The following TTN variants were observed in gnomAD, a reference collection of about 807,000 sequenced individuals.
The protein encoded by TTN is connectin.
In TTN, 1,525 loss-of-function variants were observed where a neutral mutation model predicts 3,223.0. The observed-to-expected ratio is 0.47, with a 90% CI of 0.45 to 0.49. The LOEUF is 0.49. TTN is among the 20% of genes least tolerant of loss of function. The pLI, the probability that TTN is intolerant of heterozygous loss-of-function variation, is 0.00. For missense variants in TTN, 40,786 were observed against 43,424.0 expected, an observed-to-expected ratio of 0.94 and a Z score of 5.40; for synonymous variants, 14,094 against 15,161.0, an observed-to-expected ratio of 0.93 and a Z score of 5.17.
rs778131439 is a variant in TTN at position 178,570,690 on chromosome 2, C to T, written c.75442G>A (p.Gly25148Ser). The change falls in exon 326 of 363, where the codon GGT becomes AGT. Residue 25148 changes from glycine to serine, a missense_variant. Transcript: ENST00000589042. ...KPIPTIQWIK[G>S]DQELSNTARL... ...GCTGTGTTTGAAAGCTCCTGATCAC[C>T]TTTTATCCACTGAATGGTTGGTATT... The T allele has an allele frequency of 5.0e-6, 8 of 1,613,510 alleles. No homozygotes were observed. The highest frequency in any genetic ancestry group is 3.3e-4 in the Middle Eastern group (2 of 6,056).
rs757710470 is a variant in TTN, at chr2:178,732,885, C to T, written c.16291G>A (p.Ala5431Thr). The change falls in exon 55 of 363, where the codon GCC becomes ACC. Residue 5431 changes from alanine to threonine, a missense_variant. By Grantham distance (58) the Ala-to-Thr change is moderately conservative. Transcript: ENST00000589042. ...MNDAGNFTCR[A>T]TNSVGSKDSS... is the part of the protein sequence containing the mutation. ...TCTTTGCTTCCCACGGAATTTGTGG[C>T]TCGACAAGTGAAATTCCCTGCATCA... 5.6e-6 allele frequency: 9 copies of T among 1,613,366 alleles called. No individual in the cohort carries two copies. The South Asian group carries it at 9.9e-5, about 18-fold the overall frequency.
rs727505316 is a variant in TTN at position 178,589,191 on chromosome 2, G to C, written c.62534C>G (p.Thr20845Arg). Residue 20845 changes from threonine (T) to arginine (R), a missense_variant, in exon 304 of 363, where the codon ACG becomes AGG. Physicochemically the swap from Thr to Arg is moderately conservative, Grantham distance 71. Transcript: ENST00000589042. ...AAAACTGCCAGCCGTGTTAGTTGCC[G>C]TAACTACATATTTACCCCCATCACT... ...KRSDGGKYVV[T>R]ATNTAGSFVA... 48 of 1,613,370 alleles carry C rather than the reference G, an allele frequency of 3.0e-5. No homozygotes were observed. Among genetic ancestry groups the C allele is most frequent in the African/African-American group, 4.0e-5 (3 of 74,894 alleles).
chr2:178,730,236 C>T lies in TTN; in HGVS notation c.18164G>A (p.Gly6055Glu), dbSNP rs879034244. The change falls in exon 62 of 363, where the codon GGA (glycine) becomes GAA (glutamate). Residue 6055 changes from glycine to glutamate, a missense_variant. Coordinates refer to ENST00000589042, the MANE Select transcript of TTN (RefSeq NM_001267550.2). ...WFKDNKELHSGAARSVWKDDT... is the reference protein window; with the variant it reads ...WFKDNKELHSEAARSVWKDDT... ...ATCCTTCCAAACTGAGCGGGCTGCT[C>T]CTGAGTGTAACTCTTTGTTATCTTT... 2.5e-6 allele frequency: 4 copies of T among 1,613,386 alleles called. No individual in the cohort carries two copies. The highest frequency in any genetic ancestry group is 1.7e-5 in the Admixed American group (1 of 59,942).
chr2:178,551,521 CAAG>C, intron 335 of TTN, 106 bp downstream of exon 335: 1 of 996,228 alleles, frequency 1.0e-6, no homozygotes, highest in South Asian at 1.9e-5. Flanking sequence ...TCTCTAGTGA[CAAG>C]AAGATATGTA....
Position 178,721,937 on chromosome 2 carries a change from T to TAA in TTN, c.22724_22725dup (p.Lys7576LeufsTer3), listed in dbSNP as rs2154301477. 1 of 1,613,600 alleles carries TAA rather than the reference T, an allele frequency of 6.2e-7. No homozygotes were observed. Among genetic ancestry groups the TAA allele is most frequent in the Non-Finnish European group, 8.5e-7 (1 of 1,179,618 alleles). On this transcript the variant is annotated frameshift_variant, in exon 78 of 363. Coordinates refer to ENST00000589042, the MANE Select transcript of TTN (RefSeq NM_001267550.2). LOFTEE classifies it high-confidence loss of function. ...TGACCAGAGTCTCCTTTGCCTACTT[T>TAA]AAGAATTCTCAAATGAGGAGTGTTT... is the stretch of plus-strand genomic sequence containing the variant.
In TTN at chr2:178,593,830, A is replaced by C. The variant is rs374118468; in HGVS notation, c.58470T>G (p.Asp19490Glu). 3.7e-6 allele frequency: 6 copies of C among 1,613,056 alleles called. No homozygotes were observed. Among genetic ancestry groups the C allele is most frequent in the Admixed American group, 1.7e-5 (1 of 59,916 alleles). The change falls in exon 298 of 363, where the codon GAT becomes GAG. Residue 19490 changes from aspartate (D) to glutamate (E), a missense_variant. Coordinates refer to ENST00000589042, the MANE Select transcript of TTN (RefSeq NM_001267550.2). ...TAACCATGTAATCTTTGGTCACCTC[A>C]TCAAAACTAACTGGTCCTACTGGTG... is the stretch of plus-strand genomic sequence containing the variant. ...PGPPVGPVSF[D>E]EVTKDYMVIS... is the part of the protein sequence containing the mutation.
rs1317051165 is a variant in TTN at position 178,734,621 on chromosome 2, A to AAG, written c.15218-17_15218-16dup. The AAG allele has an allele frequency of 6.4e-7, 1 of 1,560,684 alleles. No homozygotes were observed. Among genetic ancestry groups the AAG allele is most frequent in the South Asian group, 1.2e-5 (1 of 80,360 alleles). ...AGAAGGAGGTTCTACAAAAGCATGA[A>AAG]AGCATTGTGTAAGTAATGGGTAATA... On this transcript the variant is annotated splice_polypyrimidine_tract_variant and intron_variant, in intron 51 of 362. Coordinates refer to ENST00000589042, the MANE Select transcript of TTN (RefSeq NM_001267550.2).
At chr2:178,603,230 T>C (rs1404979566) in intron 282 of TTN, among the ~76,000 whole-genome samples, 1 of 152,040 alleles carries the variant, frequency 6.6e-6, no homozygotes, top group African/African-American at 2.4e-5. Context: ...TATATAGGTA[T>C]ATATGCTCCA....
At chr2:178,686,144 G>A (rs575817333) in intron 127 of TTN, among the ~76,000 whole-genome samples, 51 of 69,270 alleles carry the variant, frequency 7.4e-4, no homozygotes, top group African/African-American at 5.0e-3. Context: ...TTTTTGAGAC[G>A]GAGTCTCGCT....
chr2:178,785,581 C>T (rs1251376507), intron 15 of TTN, 39 bp downstream of exon 15: 1 of 1,613,018 alleles, frequency 6.2e-7, no homozygotes, highest in South Asian at 1.1e-5. Context: ...ATACTTATTT[C>T]CTTTAAACAT....
At chr2:178,726,953 G>A in intron 69 of TTN, 137 bp downstream of exon 69, 1 of 903,954 alleles carries the variant, frequency 1.1e-6, no homozygotes, top group East Asian at 3.0e-5. Context: ...ATCTAAAAAG[G>A]GAAATAATAC....
Position 178,538,949 on chromosome 2 carries a change from A to G in TTN, c.98986T>C (p.Phe32996Leu). 1.9e-6 allele frequency: 3 copies of G among 1,604,704 alleles called. No individual in the cohort carries two copies. Among genetic ancestry groups the G allele is most frequent in the East Asian group, 2.2e-5 (1 of 44,674 alleles). Residue 32996 changes from phenylalanine to leucine, a missense_variant, in exon 353 of 363, where the codon TTT becomes CTT. Coordinates refer to ENST00000589042, the MANE Select transcript of TTN (RefSeq NM_001267550.2). ...CCCCTTCTTCTGAATTCCTTACCAA[A>G]TGGATCTTTGCAAACAACTGGTTCA... The part of the protein sequence containing the change: ...ASEPVVCKDP[F>L]DKPSQPGELE...
At chr2:178,750,638 G>A in intron 47 of TTN, 3 of 1,612,746 alleles carry the variant, frequency 1.9e-6, no homozygotes, top group Non-Finnish European at 2.5e-6. Context: ...CTTCTGTTCG[G>A]TTTTGAATTC....
At position 178,560,206 on chromosome 2, in the gene TTN, T is replaced by A; in HGVS notation, c.85926A>T (p.Leu28642Phe). ...GGAACACTGGATCTTCTGCCCTAATTAAGGGAGAGGTTTCACTTGGAAGAC... is the reference window on the plus strand; with the variant it reads ...GGAACACTGGATCTTCTGCCCTAATAAAGGGAGAGGTTTCACTTGGAAGAC... ...GLSLPSETSP[L>F]IRAEDPVFLP... The change falls in exon 326 of 363, where the codon TTA (leucine) becomes TTT (phenylalanine). Residue 28642 changes from leucine to phenylalanine, a missense_variant. Leu to Phe is a conservative substitution (Grantham distance 22). Transcript: ENST00000589042. The A allele has an allele frequency of 6.2e-7, 1 of 1,613,712 alleles. No homozygotes were observed.
At chr2:178,726,602 A>G (rs551834771) in intron 69 of TTN, 3 of 153,020 alleles carry the variant, frequency 2.0e-5, no homozygotes, top group Non-Finnish European at 2.9e-5. Flanking sequence ...GTATAGTCAT[A>G]TAATTTTTAA....
chr2:178,779,912 G>T (rs763192768), intron 22 of TTN, 88 bp downstream of exon 22: 2 of 1,360,686 alleles, frequency 1.5e-6, no homozygotes, highest in Non-Finnish European at 1.0e-6. Context: ...CTAACCCCGA[G>T]CTCATCACTT....
In TTN at chr2:178,739,472, CT is replaced by C. The variant is rs1266489077; in HGVS notation, c.13760del (p.Glu4587GlyfsTer5). The C allele has an allele frequency of 6.2e-7, 1 of 1,613,756 alleles. No homozygotes were observed. The highest frequency in any genetic ancestry group is 1.7e-5 in the Admixed American group (1 of 60,000). On this transcript the variant is annotated frameshift_variant, in exon 48 of 363. Coordinates refer to ENST00000589042, the MANE Select transcript of TTN (RefSeq NM_001267550.2). LOFTEE classifies it high-confidence loss of function. The part of the protein sequence containing the change: ...EESSSESGTE[E>X]VATVKIQEAE... ...CTTCCTGTATCTTTACTGTAGCAAC[CT>C]CCTCAGTACCACTTTCAGAGGAAGA... is the stretch of plus-strand genomic sequence containing the variant.
chr2:178,537,386 T>G lies in TTN; in HGVS notation c.99821A>C (p.Asn33274Thr). The G allele has an allele frequency of 6.3e-7, 1 of 1,599,990 alleles. No homozygotes were observed. Among genetic ancestry groups the G allele is most frequent in the East Asian group, 2.2e-5 (1 of 44,568 alleles). ...GATGGCATCAACTGTTCCAAAAACA[T>G]TGCTGAGCTGGACTTTGTATTTCCC... ...HAGKYKVQLS[N>T]VFGTVDAILD... The change falls in exon 355 of 363, where the codon AAT (asparagine) becomes ACT (threonine). Residue 33274 changes from asparagine to threonine, a missense_variant. Coordinates refer to ENST00000589042, the MANE Select transcript of TTN (RefSeq NM_001267550.2).
intron 47 of TTN, 117 bp downstream of exon 47, chr2:178,753,007 A>G: frequency 2.6e-6 from 2 of 764,896 alleles, no homozygotes; most frequent in South Asian, 3.6e-5. Context: ...TCTAAGAGAT[A>G]TATTTGTATA....
Sources: allele counts gnomAD v4.1 joint callset (sites outside exome capture counted in the v4.1 genomes callset), GRCh38; gene constraint gnomAD v4.1.1; transcripts MANE v1.5; gene names NCBI Gene and HGNC (gene_info 2026-07-23, HGNC 2026-07-21).